Variants in DHTKD1 observed in about 807,000 individuals in gnomAD.
DHTKD1 encodes 2-oxoadipate dehydrogenase complex component E1.
In DHTKD1, 78 loss-of-function variants were observed where a neutral mutation model predicts 101.8. That is an observed-to-expected ratio of 0.77 (90% CI 0.64 to 0.93). The LOEUF (loss-of-function observed/expected upper bound fraction) is 0.93, where lower values mean the gene tolerates loss of function less well. Among genes scored for constraint, DHTKD1 ranks in the 40% least tolerant of loss-of-function variants. The probability of loss-of-function intolerance (pLI) is 0.00; values close to 1 mark genes in which losing one functional copy is unlikely to be tolerated. For synonymous variants in DHTKD1, 462 were observed against 450.3 expected (o/e 1.03, Z -0.33); for missense variants, 1,223 against 1,161.7 (o/e 1.05, Z -0.77).
intron 7 of DHTKD1, among the ~76,000 whole-genome samples, chr10:12,094,907 C>T (rs1272438787): frequency 6.6e-6 from 1 of 152,168 alleles, no homozygotes; most frequent in African/African-American, 2.4e-5. Context: ...TCCCAAAGTG[C>T]TAGGATTACA....
chr10:12,078,753 C>T (rs915727398), intron 1 of DHTKD1, among the ~76,000 whole-genome samples: 2 of 152,098 alleles, frequency 1.3e-5, no homozygotes, highest in African/African-American at 2.4e-5. Flanking sequence ...CATCTCGGCT[C>T]ACTGCAATGT....
At chr10:12,118,308 G>A (rs988211620) in intron 14 of DHTKD1, among the ~76,000 whole-genome samples, 10 of 151,894 alleles carry the variant, frequency 6.6e-5, no homozygotes, top group African/African-American at 2.4e-4. Context: ...GACTGAACTC[G>A]GCTGCAGAGA....
rs961103437 is a variant in DHTKD1, at chr10:12,069,255, G to C, written c.154+68G>C. The C allele has an allele frequency of 1.1e-5, 16 of 1,416,484 alleles. No homozygotes were observed. In the Admixed American group the frequency reaches 2.1e-4, roughly 19 times the overall value. 87.7% of individuals were successfully genotyped at this position (1,416,484 alleles called of 1,614,324 possible). On this transcript the variant is annotated intron_variant, in intron 1 of 16. Coordinates refer to ENST00000263035, the MANE Select transcript of DHTKD1 (RefSeq NM_018706.7). ...CAGAAGCCTCCCCTGGCCGATTTGC[G>C]GTGGGGTGTCGGGGTCGGGGAACCG...
chr10:12,112,734 C>G (rs1400452305), intron 12 of DHTKD1, among the ~76,000 whole-genome samples, 166 bp from the exon 13 acceptor site: 2 of 152,160 alleles, frequency 1.3e-5, no homozygotes, highest in African/African-American at 4.8e-5. Flanking sequence ...TTGGTTAATA[C>G]CGCACCGTTC....
At chr10:12,077,244 TG>T (rs1832747751) in intron 1 of DHTKD1, among the ~76,000 whole-genome samples, 1 of 151,612 alleles carries the variant, frequency 6.6e-6, no homozygotes, top group Non-Finnish European at 1.5e-5. Flanking sequence ...TTTTTTTTTT[TG>T]AGATGGAGTT....
chr10:12,091,289 A>G (rs1832985742), intron 5 of DHTKD1, among the ~76,000 whole-genome samples: 1 of 148,768 alleles, frequency 6.7e-6, no homozygotes, highest in Non-Finnish European at 1.5e-5. Context: ...GTGCATGCCT[A>G]TAATCCCAGC....
At chr10:12,116,397 C>CT (rs147802437) in intron 13 of DHTKD1, 46 of 147,558 alleles carry the variant, frequency 3.1e-4, no homozygotes, top group Admixed American at 4.8e-4. Flanking sequence ...AATCTTTTTA[C>CT]TTTTTTTTTT....
chr10:12,114,909 C>T (rs756302322), intron 13 of DHTKD1, among the ~76,000 whole-genome samples: 2 of 152,136 alleles, frequency 1.3e-5, no homozygotes, highest in Non-Finnish European at 1.5e-5. Context: ...CATTCTCCTG[C>T]CTCAGCCTCC....
At chr10:12,120,717 C>T (rs72779687) in intron 16 of DHTKD1, 70 bp from the exon 17 acceptor site, 67 of 1,291,336 alleles carry the variant, frequency 5.2e-5, no homozygotes, top group Non-Finnish European at 7.1e-5. Flanking sequence ...CATGCACTGT[C>T]TTGTTGGAAC....
rs748069018 is a variant in DHTKD1, at chr10:12,118,904, A to C, written c.2558A>C (p.Tyr853Ser). ...LDSLQQEMSK[Y>S]KHVKDHIWSQ... ...TCTTTACAGCAAGAGATGAGCAAAT[A>C]CAAACATGTTAAAGGTAAGAGGTTG... The change falls in exon 15 of 17, where the codon TAC becomes TCC. Residue 853 changes from tyrosine (Y) to serine (S), a missense_variant. By Grantham distance (144) the Tyr-to-Ser change is moderately radical. Transcript: ENST00000263035. 1 of 1,580,398 alleles carries C rather than the reference A, an allele frequency of 6.3e-7. No individual in the cohort carries two copies. The highest frequency in any genetic ancestry group is 2.3e-5 in the East Asian group (1 of 42,724).
chr10:12,098,052 C>T, intron 8 of DHTKD1, 56 bp downstream of exon 8: 1 of 1,496,090 alleles, frequency 6.7e-7, no homozygotes, highest in East Asian at 2.3e-5. Flanking sequence ...AGCAAAGGAG[C>T]TGACGTTGGT....
At position 12,081,596 on chromosome 10, in the gene DHTKD1, G is replaced by A. The variant is rs1490182433; in HGVS notation, c.279G>A (p.Val93=). Residue 93 remains valine (V), a synonymous_variant, in exon 2 of 17, where the codon GTG becomes GTA. Transcript: ENST00000263035. ...ATGTGCCTGAAATCCAAGCCCTGGT[G>A]CAGACACTGCAGGGACCCTTCCACA... The part of the protein sequence containing the change: ...LENVPEIQAL[V]QTLQGPFHTA... 2 of 1,614,038 alleles carry A rather than the reference G, an allele frequency of 1.2e-6. No individual in the cohort carries two copies. Among genetic ancestry groups the A allele is most frequent in the Admixed American group, 1.7e-5 (1 of 59,974 alleles).
At position 12,107,461 on chromosome 10, in the gene DHTKD1, A is replaced by C. The variant is rs575290725; in HGVS notation, c.2048-448A>C. The stretch of plus-strand genomic sequence containing the variant: ...GAGACGGTGTCTCACTCTGTCCCTC[A>C]GGCTGGTGTGCAGTGGCATGATCTC... On this transcript the variant is annotated intron_variant, in intron 11 of 16. Coordinates refer to ENST00000263035, the MANE Select transcript of DHTKD1 (RefSeq NM_018706.7). The surrounding 1 kb of genome is among the most constrained non-coding windows in gnomAD (Gnocchi z 4.1). Among the ~76,000 whole-genome samples, 2 of 151,920 alleles carry C rather than the reference A, an allele frequency of 1.3e-5. No individual in the cohort carries two copies. Among genetic ancestry groups the C allele is most frequent in the Non-Finnish European group, 2.9e-5 (2 of 67,978 alleles).
At chr10:12,106,713 A>G (rs1833254773) in intron 11 of DHTKD1, among the ~76,000 whole-genome samples, 2 of 152,338 alleles carry the variant, frequency 1.3e-5, no homozygotes, top group Non-Finnish European at 1.5e-5. Flanking sequence ...CACCGTAAAA[A>G]TTAGAAGTAA....
Position 12,118,772 on chromosome 10 carries a change from C to T in DHTKD1, c.2426C>T (p.Ser809Phe), listed in dbSNP as rs1196080768. 6.3e-7 allele frequency: 1 copy of T among 1,591,442 alleles called. No homozygotes were observed. Among genetic ancestry groups the T allele is most frequent in the African/African-American group, 1.4e-5 (1 of 73,748 alleles). Residue 809 changes from serine (S) to phenylalanine (F), a missense_variant, in exon 15 of 17, where the codon TCC becomes TTC. Coordinates refer to ENST00000263035, the MANE Select transcript of DHTKD1 (RefSeq NM_018706.7). ...PKKVKTLVFC[S>F]GKHFYSLVKQ... is the part of the protein sequence containing the mutation. The stretch of plus-strand genomic sequence containing the variant: ...AGGGTTAAGACCCTCGTGTTCTGCT[C>T]CGGCAAACATTTCTACTCCCTGGTG...
At chr10:12,099,264 ACTCAT>A (rs1833119793) in intron 8 of DHTKD1, among the ~76,000 whole-genome samples, 1 of 152,058 alleles carries the variant, frequency 6.6e-6, no homozygotes, top group Admixed American at 6.6e-5. Context: ...ATTAATATGT[ACTCAT>A]CACTCAGCTT....
rs1306503684 is a variant in DHTKD1, at chr10:12,097,849, C to G, written c.1524C>G (p.His508Gln). Residue 508 changes from histidine to glutamine, a missense_variant, in exon 8 of 17, where the codon CAC becomes CAG. Coordinates refer to ENST00000263035, the MANE Select transcript of DHTKD1 (RefSeq NM_018706.7). ...CCCCTGCCCTGAACCTGCAGGCCCA[C>G]TGGCAGGGCCTGGCTCAGCCAGAAG... ...YRPPALNLQA[H>Q]WQGLAQPEAQ... is the part of the protein sequence containing the mutation. 6.2e-7 allele frequency: 1 copy of G among 1,614,252 alleles called. No individual in the cohort carries two copies. The highest frequency in any genetic ancestry group is 8.5e-7 in the Non-Finnish European group (1 of 1,180,048).
Position 12,091,539 on chromosome 10 carries a change from T to G in DHTKD1, c.1014T>G (p.Gly338=). Residue 338 remains glycine, a synonymous_variant, in exon 6 of 17, where the codon GGT becomes GGG. Transcript: ENST00000263035. ...TCCATGGTGATGCTTCTTTCTGTGG[T>G]CAAGGGATTGTTCCTGAAACATTCA... ...LQVHGDASFC[G]QGIVPETFTL... 1 of 1,610,722 alleles carries G rather than the reference T, an allele frequency of 6.2e-7. No homozygotes were observed. Among genetic ancestry groups the G allele is most frequent in the Non-Finnish European group, 8.5e-7 (1 of 1,179,008 alleles).
intron 10 of DHTKD1, among the ~76,000 whole-genome samples, chr10:12,105,671 A>G (rs894173462): frequency 6.6e-6 from 1 of 152,138 alleles, no homozygotes; most frequent in South Asian, 2.1e-4. Context: ...GTCATCTGAG[A>G]AGTATATGTG....
Sources: allele counts gnomAD v4.1 joint callset (sites outside exome capture counted in the v4.1 genomes callset), GRCh38; gene constraint gnomAD v4.1.1; non-coding constraint Gnocchi (gnomAD v3.1); transcripts MANE v1.5; gene names NCBI Gene and HGNC (gene_info 2026-07-23, HGNC 2026-07-21).